KHDRBS2: variants seen among roughly 807,000 people sequenced by gnomAD.
KHDRBS2 encodes the protein KH domain-containing, RNA-binding, signal transduction-associated protein 2.
KHDRBS2 carries 26 observed loss-of-function variants against 44.3 expected under a neutral mutation model. That is an observed-to-expected ratio of 0.59 (90% CI 0.43 to 0.81). The LOEUF is 0.81. Ranked by LOEUF, KHDRBS2 falls within the 40% of genes least tolerant of loss-of-function variation. KHDRBS2 has a pLI of 0.00. For missense variants in KHDRBS2, 476 were observed against 433.1 expected (o/e 1.10, Z -0.88); for synonymous variants, 194 against 151.1 (o/e 1.28, Z -2.08).
intron 1 of KHDRBS2, among the ~76,000 whole-genome samples, chr6:62,260,428 G>C (rs1458325232): frequency 6.6e-6 from 1 of 151,928 alleles, no homozygotes; most frequent in Non-Finnish European, 1.5e-5. Flanking sequence ...GCTAAGCTGT[G>C]TGTTTAGACT....
chr6:61,962,601 T>C (rs1768986959), intron 4 of KHDRBS2, among the ~76,000 whole-genome samples: 6 of 152,090 alleles, frequency 3.9e-5, no homozygotes, highest in Admixed American at 1.3e-4. Flanking sequence ...ATTAAACTTG[T>C]AAAATTTGGG....
intron 2 of KHDRBS2, among the ~76,000 whole-genome samples, chr6:62,138,190 C>T (rs751897626): frequency 4.6e-5 from 7 of 152,138 alleles, no homozygotes; most frequent in South Asian, 4.1e-4. Flanking sequence ...ATTCCAAATA[C>T]GGTATACATA....
At chr6:61,749,044 A>C in intron 6 of KHDRBS2, among the ~76,000 whole-genome samples, 1 of 112,330 alleles carries the variant, frequency 8.9e-6, no homozygotes, top group African/African-American at 3.7e-5. Context: ...ACGGAGTCTC[A>C]CTCTGTCGCC....
At chr6:61,873,192 T>C (rs772948001) in intron 6 of KHDRBS2, among the ~76,000 whole-genome samples, 1 of 152,068 alleles carries the variant, frequency 6.6e-6, no homozygotes, top group Admixed American at 6.5e-5. Context: ...TAATAACCTC[T>C]ATTCACCAAA....
At chr6:62,264,255 C>A (rs1404046160) in intron 1 of KHDRBS2, among the ~76,000 whole-genome samples, 1 of 151,728 alleles carries the variant, frequency 6.6e-6, no homozygotes, top group Non-Finnish European at 1.5e-5. Flanking sequence ...TGTTCCTTAA[C>A]GCTAGTTTTA....
intron 5 of KHDRBS2, among the ~76,000 whole-genome samples, chr6:61,899,510 T>C (rs966204721): frequency 4.6e-5 from 7 of 151,902 alleles, no homozygotes; most frequent in Non-Finnish European, 1.0e-4. Context: ...AAATTTTTCT[T>C]CTAAGAAGAT....
chr6:61,948,798 C>T (rs1764148451), intron 4 of KHDRBS2, among the ~76,000 whole-genome samples: 1 of 151,730 alleles, frequency 6.6e-6, no homozygotes, highest in Admixed American at 6.6e-5. Context: ...ACGCACATGC[C>T]TCTTCACCTA....
chr6:61,543,640 A>AT, the KHDRBS2 span, among the ~76,000 whole-genome samples: 3 of 152,048 alleles, frequency 2.0e-5, no homozygotes, highest in African/African-American at 7.2e-5. Flanking sequence ...TATAGAAGAG[A>AT]TATCTACACT....
chr6:62,263,429 A>C (rs538656645), intron 1 of KHDRBS2, among the ~76,000 whole-genome samples: 1 of 151,690 alleles, frequency 6.6e-6, no homozygotes, highest in Non-Finnish European at 1.5e-5. Context: ...GAGTTGCTGC[A>C]TATTGTCTCA....
chr6:62,155,584 A>T (rs1183519041), intron 2 of KHDRBS2, among the ~76,000 whole-genome samples: 1 of 152,164 alleles, frequency 6.6e-6, no homozygotes, highest in East Asian at 1.9e-4. Context: ...CTTTAAGACC[A>T]CTAAGGTTTG....
At chr6:61,602,361 C>G in the KHDRBS2 span, among the ~76,000 whole-genome samples, 58 of 152,174 alleles carry the variant, frequency 3.8e-4, no homozygotes, top group African/African-American at 1.3e-3. Context: ...CCGCCTACCC[C>G]AGGATCTTGC....
intron 6 of KHDRBS2, among the ~76,000 whole-genome samples, chr6:61,845,705 G>GCC (rs1794306328): frequency 6.6e-6 from 1 of 152,224 alleles, no homozygotes; most frequent in Non-Finnish European, 1.5e-5. Flanking sequence ...GGTTGGTTAG[G>GCC]TCGTTGGTGG....
chr6:61,704,716 T>C (rs1769216216), intron 7 of KHDRBS2, among the ~76,000 whole-genome samples: 1 of 151,578 alleles, frequency 6.6e-6, no homozygotes, highest in South Asian at 2.1e-4. Flanking sequence ...TCTTTCCTTT[T>C]TGATGCCTTA....
chr6:62,227,253 T>C (rs1261848554), intron 1 of KHDRBS2, among the ~76,000 whole-genome samples: 1 of 152,166 alleles, frequency 6.6e-6, no homozygotes, highest in East Asian at 1.9e-4. Flanking sequence ...TGGTTAGCTG[T>C]ATTCCTAGGT....
At chr6:61,588,268 G>A in the KHDRBS2 span, among the ~76,000 whole-genome samples, 3 of 152,048 alleles carry the variant, frequency 2.0e-5, no homozygotes, top group Non-Finnish European at 2.9e-5. Context: ...AACTCTAAAA[G>A]CAACAGTAAG....
chr6:62,178,871 T>C (rs1821682627), intron 1 of KHDRBS2, among the ~76,000 whole-genome samples: 2 of 151,592 alleles, frequency 1.3e-5, no homozygotes, highest in African/African-American at 2.4e-5. Context: ...ATACTTTTGT[T>C]ATTTTGGAGT....
intron 2 of KHDRBS2, among the ~76,000 whole-genome samples, chr6:62,085,251 A>G (rs1412076384): frequency 6.6e-6 from 1 of 152,158 alleles, no homozygotes. Flanking sequence ...GCAAGGTTAG[A>G]TGAAATTCTG....
downstream of KHDRBS2, among the ~76,000 whole-genome samples, chr6:61,676,368 A>T (rs936206823): frequency 1.3e-5 from 2 of 151,868 alleles, no homozygotes; most frequent in African/African-American, 4.8e-5. Flanking sequence ...GAGTGCAGAA[A>T]AATCATCCCA....
chr6:62,246,268 G>A (rs917185427), intron 1 of KHDRBS2, among the ~76,000 whole-genome samples: 1 of 151,638 alleles, frequency 6.6e-6, no homozygotes, highest in African/African-American at 2.4e-5. Context: ...AGAGGATACA[G>A]GCAAGTTCTT....
Sources: gnomAD v4.1 joint callset for allele counts (sites outside exome capture counted in the v4.1 genomes callset) on GRCh38, gnomAD v4.1.1 for gene constraint, MANE v1.5 for transcripts, NCBI Gene and HGNC (gene_info 2026-07-23, HGNC 2026-07-21) for gene names.